Variants in LRRC7 observed in about 807,000 individuals in gnomAD.
The protein encoded by LRRC7 is leucine rich repeat containing 7, also known as leucine-rich repeat-containing protein 7.
A neutral mutation model predicts 175.7 loss-of-function variants in LRRC7; 23 were observed. The ratio of observed to expected loss-of-function variants is 0.13; its 90% CI spans 0.09 to 0.19. The LOEUF is 0.19. LRRC7 is among the 10% of genes least tolerant of loss of function. The probability of loss-of-function intolerance (pLI) is 1.00; values close to 1 mark genes in which losing one functional copy is unlikely to be tolerated. For missense variants in LRRC7, 1,354 were observed against 1,904.7 expected, an observed-to-expected ratio of 0.71 and a Z score of 5.38; for synonymous variants, 685 against 680.9, an observed-to-expected ratio of 1.01 and a Z score of -0.09.
At chr1:69,849,395 TA>T (rs1330606482) in intron 7 of LRRC7, among the ~76,000 whole-genome samples, 3 of 151,904 alleles carry the variant, frequency 2.0e-5, no homozygotes, top group Non-Finnish European at 2.9e-5. Flanking sequence ...GAAATACATC[TA>T]AAAAAAGCAA....
intron 2 of LRRC7, among the ~76,000 whole-genome samples, chr1:69,755,342 A>T (rs1670291085): frequency 6.8e-6 from 1 of 147,134 alleles, no homozygotes; most frequent in Admixed American, 6.8e-5. Flanking sequence ...ATATATATAT[A>T]CACACACATA....
intron 1 of LRRC7, among the ~76,000 whole-genome samples, chr1:69,644,903 A>C (rs1326298443): frequency 6.6e-6 from 1 of 152,000 alleles, no homozygotes; most frequent in East Asian, 1.9e-4. Context: ...ATGCAGAAAA[A>C]AGCATTTGAC....
At chr1:69,620,802 A>T (rs768131860) in intron 1 of LRRC7, among the ~76,000 whole-genome samples, 7 of 152,112 alleles carry the variant, frequency 4.6e-5, no homozygotes, top group Non-Finnish European at 8.8e-5. Flanking sequence ...CCTTTTATGT[A>T]AATGCACTTT....
At chr1:69,570,413 C>CT (rs926001103) in intron 1 of LRRC7, among the ~76,000 whole-genome samples, 3 of 151,996 alleles carry the variant, frequency 2.0e-5, no homozygotes, top group Non-Finnish European at 2.9e-5. Flanking sequence ...TCGCCTCTGC[C>CT]TTTTTTTACC....
rs557119143 is a variant in LRRC7 at position 69,666,435 on chromosome 1, C to G, written c.3-11946C>G. ...GTTTGGTAGAATTCATCAGCGATAC[C>G]ATTCGGTCCTAGGCTTTTCTTTGCT... On this transcript the variant is annotated intron_variant, in intron 1 of 26. Coordinates refer to ENST00000651989, the MANE Select transcript of LRRC7 (RefSeq NM_001370785.2). Among the ~76,000 whole-genome samples, 14 of 152,062 alleles carry G rather than the reference C, an allele frequency of 9.2e-5. 1 individual carries two copies. The South Asian group carries it at 1.0e-3, about 11-fold the overall frequency.
In LRRC7 at chr1:69,710,162, C is replaced by T. The variant is rs146393787; in HGVS notation, c.100+31684C>T. 7.0e-3 allele frequency among the ~76,000 whole-genome samples: 1,057 copies of T among 149,988 alleles called. 5 individuals are homozygous for T. The highest frequency in any genetic ancestry group is 0.011 in the Middle Eastern group (3 of 284). On this transcript the variant is annotated intron_variant, in intron 2 of 26. Coordinates refer to ENST00000651989, the MANE Select transcript of LRRC7 (RefSeq NM_001370785.2). ...GTGTGGTGATGGGTGCTTGTAGTCC[C>T]AAGGTACTTGGGAGGCTGAGGCAGG...
rs534364154 is a variant in LRRC7, at chr1:69,772,404, G to A, written c.303+12011G>A. Among the ~76,000 whole-genome samples the A allele has an allele frequency of 1.6e-4, 25 of 152,298 alleles. No individual in the cohort carries two copies. The South Asian group carries it at 2.7e-3, about 16-fold the overall frequency. On this transcript the variant is annotated intron_variant, in intron 3 of 26. Coordinates refer to ENST00000651989, the MANE Select transcript of LRRC7 (RefSeq NM_001370785.2). ...AAGAGTGGTACAAGGCACCACAGAA[G>A]AGGCAGGTGGGAGAGGTTGCAGGAG...
In LRRC7 at chr1:70,133,985, GT is replaced by G. The variant is rs1343261473; in HGVS notation, c.*12099del. On this transcript the variant is annotated 3_prime_UTR_variant, in exon 27 of 27. Coordinates refer to ENST00000651989, the MANE Select transcript of LRRC7 (RefSeq NM_001370785.2). ...GTTAAGTTTGCCTAGCCTTCTTTAT[GT>G]AATTCTAAAACTAGTCCAATCTGAA... Among the ~76,000 whole-genome samples, 1 of 152,164 alleles carries G rather than the reference GT, an allele frequency of 6.6e-6. No individual in the cohort carries two copies. Among genetic ancestry groups the G allele is most frequent in the Non-Finnish European group, 1.5e-5 (1 of 68,022 alleles).
At position 69,770,119 on chromosome 1, in the gene LRRC7, GACAGTTGTTCAAGATTCAA is replaced by G. The variant is rs1672063313; in HGVS notation, c.303+9728_303+9746del. On this transcript the variant is annotated intron_variant, in intron 3 of 26. Coordinates refer to ENST00000651989, the MANE Select transcript of LRRC7 (RefSeq NM_001370785.2). ...TTTACAAAGACCTCCATGTAACCGT[GACAGTTGTTCAAGATTCAA>G]ATTCCTGCTGCCTCCACAATGTACA... is the stretch of plus-strand genomic sequence containing the variant. Among the ~76,000 whole-genome samples, 3 of 152,290 alleles carry G rather than the reference GACAGTTGTTCAAGATTCAA, an allele frequency of 2.0e-5. No homozygotes were observed. The South Asian group carries it at 6.2e-4, about 32-fold the overall frequency.
intron 1 of LRRC7, among the ~76,000 whole-genome samples, chr1:69,666,409 T>A (rs1658277698): frequency 6.6e-6 from 1 of 152,236 alleles, no homozygotes; most frequent in African/African-American, 2.4e-5. Flanking sequence ...TTTCTTTAAG[T>A]GTTTGGTAGA....
intron 1 of LRRC7, among the ~76,000 whole-genome samples, chr1:69,643,814 A>G (rs189947615): frequency 2.0e-5 from 3 of 152,126 alleles, no homozygotes; most frequent in Admixed American, 6.6e-5. Context: ...AAGAAGGCCA[A>G]GTAACCCCTC....
At chr1:69,812,440 TTCTC>T (rs1389367406) in intron 4 of LRRC7, among the ~76,000 whole-genome samples, 2 of 152,146 alleles carry the variant, frequency 1.3e-5, no homozygotes, top group African/African-American at 2.4e-5. Context: ...GCTTATTACA[TTCTC>T]TCTTTCTCTA....
At chr1:70,057,566 T>A (rs375149610) in intron 23 of LRRC7, among the ~76,000 whole-genome samples, 106 of 152,260 alleles carry the variant, frequency 7.0e-4, no homozygotes, top group African/African-American at 2.5e-3. Flanking sequence ...AGTGTCCAAT[T>A]TGAGTCTATT....
intron 7 of LRRC7, among the ~76,000 whole-genome samples, chr1:69,921,130 G>A (rs1381853305): frequency 1.3e-5 from 2 of 152,088 alleles, no homozygotes; most frequent in Admixed American, 1.3e-4. Flanking sequence ...TTTAAGATCT[G>A]GGGGGAGAAA....
chr1:70,115,234 G>A (rs1271448791), intron 26 of LRRC7, among the ~76,000 whole-genome samples: 1 of 152,244 alleles, frequency 6.6e-6, no homozygotes, highest in Admixed American at 6.5e-5. Flanking sequence ...TAGCAAGGAT[G>A]ATGCCAGTCC....
chr1:69,809,992 G>A (rs899681721), intron 4 of LRRC7, among the ~76,000 whole-genome samples: 1 of 152,048 alleles, frequency 6.6e-6, no homozygotes, highest in African/African-American at 2.4e-5. Flanking sequence ...ATCTCTTTTT[G>A]CAGATGACAT....
chr1:69,825,665 A>G, intron 4 of LRRC7, 83 bp from the exon 5 acceptor site: 1 of 870,014 alleles, frequency 1.1e-6, no homozygotes, highest in East Asian at 2.8e-5. Context: ...TCATAGTTTT[A>G]ATAATTATCT....
intron 25 of LRRC7, among the ~76,000 whole-genome samples, chr1:70,103,987 CA>C (rs1337299931): frequency 2.6e-5 from 4 of 152,280 alleles, no homozygotes; most frequent in Admixed American, 6.5e-5. Flanking sequence ...ATTTGTCCTT[CA>C]TTTAGCATTC....
chr1:69,733,958 AC>A (rs1667845666), intron 2 of LRRC7, among the ~76,000 whole-genome samples: 1 of 152,042 alleles, frequency 6.6e-6, no homozygotes, highest in Non-Finnish European at 1.5e-5. Context: ...TTTTTAGGTT[AC>A]TATAAATAGG....
Sources: gnomAD v4.1 joint callset for allele counts (sites outside exome capture counted in the v4.1 genomes callset) on GRCh38, gnomAD v4.1.1 for gene constraint, MANE v1.5 for transcripts, NCBI Gene and HGNC (gene_info 2026-07-23, HGNC 2026-07-21) for gene names.